Variants in KIZ observed in about 807,000 individuals in gnomAD.
KIZ encodes the protein centrosomal protein kizuna.
In KIZ, 68 loss-of-function variants were observed where a neutral mutation model predicts 79.6. That is an observed-to-expected ratio of 0.85 (90% CI 0.70 to 1.05). KIZ has a LOEUF of 1.05. Among genes scored for constraint, KIZ ranks in the 50% least tolerant of loss-of-function variants. The pLI, the probability that KIZ is intolerant of heterozygous loss-of-function variation, is 0.00. For missense variants in KIZ, 797 were observed against 800.4 expected (o/e 1.00, Z 0.05); for synonymous variants, 280 against 281.8 (o/e 0.99, Z 0.06).
chr20:21,126,211 G>T lies in KIZ; in HGVS notation c.89+7G>T. 1 of 1,439,646 alleles carries T rather than the reference G, an allele frequency of 6.9e-7. No individual in the cohort carries two copies. The highest frequency in any genetic ancestry group is 1.5e-5 in the African/African-American group (1 of 67,644). 89.2% of individuals were successfully genotyped at this position (1,439,646 alleles called of 1,614,324 possible). On this transcript the variant is annotated splice_region_variant and intron_variant, in intron 1 of 12. Transcript: ENST00000619189. ...AGCACGGGCTGCGGGACAGGTAAGGGCACTGGGGCGGGGGTGGGGAGTCGG... is the reference window on the plus strand; with the variant it reads ...AGCACGGGCTGCGGGACAGGTAAGGTCACTGGGGCGGGGGTGGGGAGTCGG...
chr20:21,214,250 G>C (rs183865284), intron 7 of KIZ, among the ~76,000 whole-genome samples: 1 of 151,968 alleles, frequency 6.6e-6, no homozygotes, highest in African/African-American at 2.4e-5. Flanking sequence ...AGGTGGTCAC[G>C]TTTCATATAC....
chr20:21,183,097 A>G (rs1364930966), intron 6 of KIZ, among the ~76,000 whole-genome samples: 1 of 152,202 alleles, frequency 6.6e-6, no homozygotes, highest in Admixed American at 6.5e-5. Context: ...CGATTGCTAA[A>G]TTTGGTCCAA....
chr20:21,141,298 G>T (rs368064591), intron 3 of KIZ, among the ~76,000 whole-genome samples: 1 of 152,132 alleles, frequency 6.6e-6, no homozygotes, highest in South Asian at 2.1e-4. Flanking sequence ...ATGGGGGAAG[G>T]GAGGCAGGGA....
intron 11 of KIZ, among the ~76,000 whole-genome samples, chr20:21,238,947 A>G (rs2037127361): frequency 6.6e-6 from 1 of 151,494 alleles, no homozygotes; most frequent in Admixed American, 6.6e-5. Flanking sequence ...CTGTCCCCAA[A>G]CCTCCCATTC....
chr20:21,145,637 G>T lies in KIZ; in HGVS notation c.388G>T (p.Asp130Tyr). Residue 130 changes from aspartate (D) to tyrosine (Y), a missense_variant, in exon 4 of 13, where the codon GAT becomes TAT. Physicochemically the swap from Asp to Tyr is radical, Grantham distance 160. Transcript: ENST00000619189. ...DSLGLKEELT[D>Y]EDREKVAVHE... ...CCTGGGACTAAAAGAGGAACTGACAGATGAAGACAGAGAAAAGGTAATAAA... is the reference window on the plus strand; with the variant it reads ...CCTGGGACTAAAAGAGGAACTGACATATGAAGACAGAGAAAAGGTAATAAA... 1 of 1,497,048 alleles carries T rather than the reference G, an allele frequency of 6.7e-7. No homozygotes were observed. Among genetic ancestry groups the T allele is most frequent in the Non-Finnish European group, 9.1e-7 (1 of 1,103,930 alleles). The allele number at this position is 1,497,048 out of a possible 1,614,324, so 92.7% of individuals were successfully genotyped here.
Position 21,136,385 on chromosome 20 carries a change from T to G in KIZ, c.153-5T>G. On this transcript the variant is annotated splice_region_variant and splice_polypyrimidine_tract_variant and intron_variant, in intron 2 of 12. Coordinates refer to ENST00000619189, the MANE Select transcript of KIZ (RefSeq NM_018474.6). ...ATTGTTTTAAAACTGCTTTTAATTT[T>G]CTAGAGTTAAGCTGAAATATGTAAA... The G allele has an allele frequency of 6.8e-7, 1 of 1,475,530 alleles. No individual in the cohort carries two copies. The highest frequency in any genetic ancestry group is 9.2e-7 in the Non-Finnish European group (1 of 1,083,408). 91.4% of individuals were successfully genotyped at this position (1,475,530 alleles called of 1,614,324 possible). A position where few individuals can be genotyped will look rare whatever the true frequency, so the allele number is the denominator to read the frequency against.
chr20:21,190,711 A>T (rs1438160972), intron 6 of KIZ, among the ~76,000 whole-genome samples: 1 of 152,206 alleles, frequency 6.6e-6, no homozygotes, highest in Non-Finnish European at 1.5e-5. Flanking sequence ...TCTTAGGAGG[A>T]TTTTAAATGT....
intron 1 of KIZ, among the ~76,000 whole-genome samples, chr20:21,130,601 ATG>A (rs1187813657): frequency 6.6e-6 from 1 of 152,138 alleles, no homozygotes; most frequent in East Asian, 1.9e-4. Flanking sequence ...TTAGTTAAAA[ATG>A]TGTGTTTTTG....
intron 6 of KIZ, among the ~76,000 whole-genome samples, chr20:21,202,864 C>T (rs138757905): frequency 1.3e-5 from 2 of 152,236 alleles, no homozygotes; most frequent in South Asian, 2.1e-4. Flanking sequence ...TTTAAACATT[C>T]GAAGTCTCAT....
intron 11 of KIZ, among the ~76,000 whole-genome samples, chr20:21,236,173 G>C (rs1296925929): frequency 6.6e-6 from 1 of 152,204 alleles, no homozygotes; most frequent in Non-Finnish European, 1.5e-5. Context: ...AAGTTAAGTT[G>C]ACCTCAGGCA....
chr20:21,196,963 G>A (rs769860905), intron 6 of KIZ: 7 of 152,220 alleles, frequency 4.6e-5, no homozygotes, highest in Non-Finnish European at 8.8e-5. Context: ...ACCAACTGTA[G>A]TGCTATTTAC....
chr20:21,226,343 C>T (rs1265823640), intron 9 of KIZ: 1 of 152,350 alleles, frequency 6.6e-6, no homozygotes, highest in Non-Finnish European at 1.5e-5. Flanking sequence ...CAATGCCCAC[C>T]CTGTCCAGTC....
intron 4 of KIZ, 58 bp from the exon 5 acceptor site, chr20:21,161,813 A>AAC (rs1555876844): frequency 0.035 from 37,315 of 1,057,404 alleles, 36 homozygotes; most frequent in South Asian, 0.075. Flanking sequence ...AAAAAAAAAA[A>AAC]CCCCACCTAA....
At chr20:21,182,679 C>G (rs1298291545) in intron 6 of KIZ, among the ~76,000 whole-genome samples, 2 of 151,768 alleles carry the variant, frequency 1.3e-5, no homozygotes, top group African/African-American at 4.8e-5. Flanking sequence ...CATCTGTAAT[C>G]TCAGCTACTC....
At chr20:21,149,069 T>C (rs2032987672) in intron 4 of KIZ, among the ~76,000 whole-genome samples, 1 of 152,218 alleles carries the variant, frequency 6.6e-6, no homozygotes, top group Non-Finnish European at 1.5e-5. Context: ...ACCCTGGAAG[T>C]AGAGGATATT....
intron 4 of KIZ, among the ~76,000 whole-genome samples, chr20:21,153,430 T>C (rs2033218606): frequency 6.6e-6 from 1 of 152,202 alleles, no homozygotes; most frequent in Non-Finnish European, 1.5e-5. Flanking sequence ...CATTAAAGCC[T>C]AATTTAACAG....
intron 3 of KIZ, among the ~76,000 whole-genome samples, chr20:21,144,854 A>C (rs2032762813): frequency 6.6e-6 from 1 of 152,176 alleles, no homozygotes; most frequent in Non-Finnish European, 1.5e-5. Flanking sequence ...ACAATCCATG[A>C]CTTTTTTAAG....
chr20:21,170,146 A>T (rs979593419), intron 6 of KIZ, among the ~76,000 whole-genome samples: 7 of 152,108 alleles, frequency 4.6e-5, no homozygotes, highest in Admixed American at 1.3e-4. Context: ...TAGTTTTTAA[A>T]TTTTAAATTT....
intron 4 of KIZ, among the ~76,000 whole-genome samples, chr20:21,148,403 C>T (rs2032956517): frequency 6.6e-6 from 1 of 152,098 alleles, no homozygotes; most frequent in Non-Finnish European, 1.5e-5. Flanking sequence ...AGTAGTTGCT[C>T]TTTAGAATCA....
Sources: gnomAD v4.1 joint callset for allele counts (sites outside exome capture counted in the v4.1 genomes callset) on GRCh38, gnomAD v4.1.1 for gene constraint, MANE v1.5 for transcripts, NCBI Gene and HGNC (gene_info 2026-07-23, HGNC 2026-07-21) for gene names.